The following AGBL1 variants were observed in gnomAD, a reference collection of about 807,000 sequenced individuals.
AGBL1 encodes cytosolic carboxypeptidase 4.
AGBL1 carries 130 observed loss-of-function variants against 118.9 expected under a neutral mutation model. That is an observed-to-expected ratio of 1.09 (90% CI 0.95 to 1.26). The LOEUF is 1.26. Among genes scored for constraint, AGBL1 ranks in the 50% most tolerant of loss-of-function variants. The pLI, the probability that AGBL1 is intolerant of heterozygous loss-of-function variation, is 0.00. For synonymous variants in AGBL1, 555 were observed against 478.9 expected, an observed-to-expected ratio of 1.16 and a Z score of -2.08; for missense variants, 1,584 against 1,298.1, an observed-to-expected ratio of 1.22 and a Z score of -3.38.
intron 22 of AGBL1, among the ~76,000 whole-genome samples, chr15:86,794,962 G>T (rs945175096): frequency 6.6e-6 from 1 of 152,050 alleles, no homozygotes; most frequent in Non-Finnish European, 1.5e-5. Context: ...CCACCCGGGG[G>T]GACCAGCACC....
intron 18 of AGBL1, among the ~76,000 whole-genome samples, chr15:86,433,281 T>A (rs866762024): frequency 5.8e-5 from 6 of 103,490 alleles, no homozygotes; most frequent in African/African-American, 2.3e-4. Context: ...TTTTTTTTTT[T>A]TTTTTTTTTT....
intron 21 of AGBL1, among the ~76,000 whole-genome samples, chr15:86,649,694 T>G (rs1453354332): frequency 6.8e-6 from 1 of 147,832 alleles, no homozygotes; most frequent in Non-Finnish European, 1.5e-5. Flanking sequence ...ATGCACAGGA[T>G]TAATTTGGGT....
At chr15:86,188,848 G>A (rs968252615) in intron 5 of AGBL1, among the ~76,000 whole-genome samples, 4 of 152,170 alleles carry the variant, frequency 2.6e-5, no homozygotes, top group African/African-American at 7.2e-5. Flanking sequence ...GAAATCTCTT[G>A]TAATTTGGAA....
chr15:86,224,915 G>A lies in AGBL1; in HGVS notation c.490G>A (p.Ala164Thr), dbSNP rs760377274. Residue 164 changes from alanine (A) to threonine (T), a missense_variant and splice_region_variant, in exon 6 of 23, where the codon GCA becomes ACA. Physicochemically the swap from Ala to Thr is moderately conservative, Grantham distance 58 (BLOSUM62 0). Coordinates refer to ENST00000614907, the MANE Select transcript of AGBL1 (RefSeq NM_001386094.1). ...TTACTTTTCTTTCTCTTTCCCCAGG[G>A]CAGCCACTGAAGTTTTGGCAGCATT... Reference protein sequence around the residue: ...YTRKRTQAIRAATEVLAALLK... With the variant: ...YTRKRTQAIRTATEVLAALLK... The A allele has an allele frequency of 6.2e-7, 1 of 1,613,230 alleles. No individual in the cohort carries two copies. The highest frequency in any genetic ancestry group is 1.3e-5 in the African/African-American group (1 of 74,830).
intron 22 of AGBL1, among the ~76,000 whole-genome samples, chr15:86,731,375 G>C (rs1048897874): frequency 6.6e-5 from 10 of 152,136 alleles, no homozygotes; most frequent in Non-Finnish European, 1.3e-4. Context: ...TAAGACTAGA[G>C]ATTCTCCACC....
intron 23 of AGBL1, among the ~76,000 whole-genome samples, chr15:86,965,174 A>G (rs970658548): frequency 6.6e-6 from 1 of 152,050 alleles, no homozygotes; most frequent in Non-Finnish European, 1.5e-5. Flanking sequence ...GTCAAATAAT[A>G]TTTCTGGTTC....
intron 10 of AGBL1, among the ~76,000 whole-genome samples, chr15:86,263,218 A>G (rs1378413599): frequency 6.6e-6 from 1 of 152,134 alleles, no homozygotes; most frequent in African/African-American, 2.4e-5. Context: ...ATAATACTGT[A>G]TTTTCACTGC....
intron 17 of AGBL1, among the ~76,000 whole-genome samples, chr15:86,332,070 C>T (rs1845937): frequency 0.55 from 82,819 of 151,776 alleles, 23,133 homozygotes; most frequent in Middle Eastern, 0.6. Context: ...AAGTAAAGGA[C>T]TGGAGAAAAA....
At chr15:86,618,869 G>C (rs767008772) in intron 21 of AGBL1, among the ~76,000 whole-genome samples, 7 of 152,086 alleles carry the variant, frequency 4.6e-5, no homozygotes, top group African/African-American at 9.7e-5. Context: ...TATTTTGCTG[G>C]ACCCTCTGGC....
intron 3 of AGBL1, among the ~76,000 whole-genome samples, chr15:86,153,473 T>G (rs1041155737): frequency 6.8e-6 from 1 of 146,836 alleles, no homozygotes; most frequent in African/African-American, 2.6e-5. Context: ...ATCAGTTGGA[T>G]ACAGGGCAGT....
At chr15:86,633,341 G>C (rs1236112972) in intron 21 of AGBL1, among the ~76,000 whole-genome samples, 1 of 152,046 alleles carries the variant, frequency 6.6e-6, no homozygotes, top group African/African-American at 2.4e-5. Context: ...GTTGCACCAT[G>C]AATTTTTTTT....
At chr15:86,799,735 C>T (rs1286295554) in intron 22 of AGBL1, among the ~76,000 whole-genome samples, 2 of 152,022 alleles carry the variant, frequency 1.3e-5, no homozygotes, top group African/African-American at 4.8e-5. Flanking sequence ...CATTTGACTC[C>T]ACAAGCCATT....
intron 6 of AGBL1, among the ~76,000 whole-genome samples, chr15:86,242,294 G>T (rs1248979311): frequency 6.6e-6 from 1 of 152,146 alleles, no homozygotes; most frequent in Non-Finnish European, 1.5e-5. Context: ...AGATGATGCT[G>T]ATCATGATGA....
intron 21 of AGBL1, among the ~76,000 whole-genome samples, chr15:86,635,241 TTCTCCTCCTCCTCCCCCTCCC>T (rs2085055638): frequency 7.2e-6 from 1 of 139,060 alleles, no homozygotes; most frequent in African/African-American, 2.7e-5. Flanking sequence ...CATTTCTTCT[TTCTCCTCCTCCTCCCCCTCCC>T]CCTCCTCCTC....
intron 1 of AGBL1, among the ~76,000 whole-genome samples, chr15:86,115,433 T>C (rs772854249): frequency 3.3e-5 from 5 of 152,250 alleles, no homozygotes; most frequent in Non-Finnish European, 5.9e-5. Context: ...GAAAAAAAAT[T>C]ATCTGTTCTC....
At chr15:86,950,761 A>G (rs1232839777) in intron 23 of AGBL1, among the ~76,000 whole-genome samples, 1 of 152,064 alleles carries the variant, frequency 6.6e-6, no homozygotes, top group African/African-American at 2.4e-5. Context: ...ATTGGACAAC[A>G]GATTTGAAAA....
intron 18 of AGBL1, among the ~76,000 whole-genome samples, chr15:86,408,721 C>A (rs1013308213): frequency 3.9e-5 from 6 of 152,066 alleles, no homozygotes; most frequent in African/African-American, 1.4e-4. Context: ...CTGGTTCTAC[C>A]CTGTTTATCC....
At chr15:86,349,671 A>C (rs922247690) in intron 17 of AGBL1, among the ~76,000 whole-genome samples, 1 of 152,216 alleles carries the variant, frequency 6.6e-6, no homozygotes, top group African/African-American at 2.4e-5. Context: ...ACCTGTCTTT[A>C]CTTCTGTCAG....
chr15:86,552,945 A>G (rs1341009840), intron 20 of AGBL1, among the ~76,000 whole-genome samples: 6 of 151,858 alleles, frequency 4.0e-5, no homozygotes, highest in African/African-American at 1.4e-4. Context: ...TATGTAATTT[A>G]TAAGATGATT....
Sources: allele counts gnomAD v4.1 joint callset (sites outside exome capture counted in the v4.1 genomes callset), GRCh38; gene constraint gnomAD v4.1.1; transcripts MANE v1.5; gene names NCBI Gene and HGNC (gene_info 2026-07-23, HGNC 2026-07-21).